KDM3B: variants seen among roughly 807,000 people sequenced by gnomAD.
KDM3B encodes the protein lysine demethylase 3B, also known as lysine-specific demethylase 3B.
A neutral mutation model predicts 170.0 loss-of-function variants in KDM3B; 10 were observed. The observed-to-expected ratio is 0.06, with a 90% CI of 0.04 to 0.10. The LOEUF (loss-of-function observed/expected upper bound fraction) is 0.10. KDM3B is among the 10% of genes least tolerant of loss of function. The pLI is 1.00. For missense variants in KDM3B, 1,394 were observed against 2,195.2 expected (o/e 0.64, Z 7.29); for synonymous variants, 831 against 834.8 (o/e 1.00, Z 0.08).
rs748464728 is a variant in KDM3B at position 138,386,387 on chromosome 5, C to G, written c.1146C>G (p.Phe382Leu). The G allele has an allele frequency of 1.2e-6, 2 of 1,614,220 alleles. No individual in the cohort carries two copies. The highest frequency in any genetic ancestry group is 2.2e-5 in the South Asian group (2 of 91,082). The change falls in exon 7 of 24, where the codon TTC becomes TTG. Residue 382 changes from phenylalanine (F) to leucine (L), a missense_variant. Around this residue, in one of 19 missense-constraint regions of KDM3B, gnomAD observed 205 missense variants for 227.6 expected, o/e 0.90. Coordinates refer to ENST00000314358, the MANE Select transcript of KDM3B (RefSeq NM_016604.4). ...TAGGTGGGGACACACCTGCATCTTT[C>G]ACTCCATATTCTACAGCCACAGGTC... ...EPVGGDTPAS[F>L]TPYSTATGQT...
chr5:138,419,337 C>T, intron 14 of KDM3B, 105 bp downstream of exon 14: 1 of 1,316,190 alleles, frequency 7.6e-7, no homozygotes, highest in East Asian at 2.5e-5. Flanking sequence ...AAACATGCTA[C>T]TTACTTTCTC....
chr5:138,407,172 G>A (rs1004254345), intron 11 of KDM3B, among the ~76,000 whole-genome samples: 1 of 151,950 alleles, frequency 6.6e-6, no homozygotes, highest in Non-Finnish European at 1.5e-5. Context: ...TTTTAGTAGA[G>A]ACGGGGTTTT....
chr5:138,403,747 C>T (rs1762747556), intron 11 of KDM3B, among the ~76,000 whole-genome samples: 1 of 149,704 alleles, frequency 6.7e-6, no homozygotes, highest in African/African-American at 2.5e-5. Flanking sequence ...AATCCCAGCA[C>T]TTTGGGAGGC....
chr5:138,355,636 A>T (rs1761430467), intron 1 of KDM3B, among the ~76,000 whole-genome samples: 2 of 152,060 alleles, frequency 1.3e-5, no homozygotes. Flanking sequence ...ATTTTTTTAG[A>T]ATTAGTTTAT....
Position 138,398,173 on chromosome 5 carries a change from C to T in KDM3B, c.2832-5C>T. The T allele has an allele frequency of 6.2e-7, 1 of 1,607,558 alleles. No homozygotes were observed. Among genetic ancestry groups the T allele is most frequent in the South Asian group, 1.1e-5 (1 of 90,436 alleles). ...CGATTTACCATGTATTTGATCATGT[C>T]TCAGGTTGATCTTCACTCGAAAAGG... On this transcript the variant is annotated splice_region_variant and splice_polypyrimidine_tract_variant and intron_variant, in intron 9 of 23. Transcript: ENST00000314358.
At chr5:138,384,033 G>A (rs12659550) in intron 6 of KDM3B, among the ~76,000 whole-genome samples, 38,627 of 150,994 alleles carry the variant, frequency 0.26, 5,573 homozygotes, top group East Asian at 0.56. Flanking sequence ...GAGGCGGCTG[G>A]ATCACGAGGT....
intron 12 of KDM3B, among the ~76,000 whole-genome samples, chr5:138,415,599 G>C (rs1448649717): frequency 6.6e-6 from 1 of 151,338 alleles, no homozygotes; most frequent in Non-Finnish European, 1.5e-5. Flanking sequence ...CACCACACCT[G>C]GCTTATTATT....
At chr5:138,417,333 C>T in intron 12 of KDM3B, 150 bp from the exon 13 acceptor site, 1 of 749,120 alleles carries the variant, frequency 1.3e-6, no homozygotes, top group Non-Finnish European at 2.1e-6. Context: ...CTCTCAGCCT[C>T]AGTTTGATCA....
intron 11 of KDM3B, among the ~76,000 whole-genome samples, chr5:138,401,825 C>G (rs938301113): frequency 6.6e-6 from 1 of 152,082 alleles, no homozygotes; most frequent in East Asian, 1.9e-4. Context: ...GTGGCTGTGA[C>G]GTAGTATCTG....
intron 6 of KDM3B, among the ~76,000 whole-genome samples, chr5:138,385,109 C>T (rs970586412): frequency 1.3e-5 from 2 of 151,874 alleles, no homozygotes; most frequent in African/African-American, 4.8e-5. Context: ...GCAACCTTCC[C>T]CTCCCGGGTT....
intron 11 of KDM3B, among the ~76,000 whole-genome samples, chr5:138,405,323 G>A (rs1762788984): frequency 6.6e-6 from 1 of 152,152 alleles, no homozygotes; most frequent in Non-Finnish European, 1.5e-5. Flanking sequence ...TTACAGGCAT[G>A]AGCCACCATG....
chr5:138,367,006 T>C (rs994889670), intron 1 of KDM3B, among the ~76,000 whole-genome samples: 19 of 152,240 alleles, frequency 1.2e-4, no homozygotes, highest in African/African-American at 4.6e-4. Flanking sequence ...TCTCTGCCTT[T>C]GTACCTGCTG....
chr5:138,423,090 C>G (rs996283502), intron 15 of KDM3B, among the ~76,000 whole-genome samples: 1 of 152,150 alleles, frequency 6.6e-6, no homozygotes, highest in African/African-American at 2.4e-5. Flanking sequence ...ACTACAGGCA[C>G]GTGCCACCAC....
intron 1 of KDM3B, among the ~76,000 whole-genome samples, chr5:138,365,753 C>G (rs974406924): frequency 6.6e-6 from 1 of 151,692 alleles, no homozygotes; most frequent in African/African-American, 2.4e-5. Context: ...AATCCCAGCA[C>G]TTTGGGAGGC....
intron 1 of KDM3B, among the ~76,000 whole-genome samples, chr5:138,355,771 A>T (rs987608651): frequency 4.6e-5 from 7 of 152,194 alleles, no homozygotes; most frequent in Non-Finnish European, 8.8e-5. Flanking sequence ...GGTATTGTAG[A>T]TAAAACAGAC....
At chr5:138,367,102 CTG>C (rs1157089242) in intron 1 of KDM3B, among the ~76,000 whole-genome samples, 3 of 152,182 alleles carry the variant, frequency 2.0e-5, no homozygotes, top group African/African-American at 7.2e-5. Flanking sequence ...TTCTGTGAAA[CTG>C]TTCTGGTTTC....
intron 14 of KDM3B, among the ~76,000 whole-genome samples, chr5:138,419,687 A>T (rs1763211604): frequency 7.3e-6 from 1 of 136,648 alleles, no homozygotes; most frequent in Non-Finnish European, 1.5e-5. Flanking sequence ...ATATATATAT[A>T]TACATATATA....
At chr5:138,380,953 C>T (rs961984812) in intron 5 of KDM3B, among the ~76,000 whole-genome samples, 1 of 151,824 alleles carries the variant, frequency 6.6e-6, no homozygotes, top group Non-Finnish European at 1.5e-5. Flanking sequence ...CGGCTCACTG[C>T]AACCTCCGCC....
chr5:138,389,782 CTGTGTGTGTGTG>C (rs148405512), intron 7 of KDM3B, among the ~76,000 whole-genome samples: 22 of 143,558 alleles, frequency 1.5e-4, no homozygotes, highest in South Asian at 7.1e-4. Flanking sequence ...CTCTCTCTCT[CTGTGTGTGTGTG>C]TGTGTGTGTG....
Sources: allele counts gnomAD v4.1 joint callset (sites outside exome capture counted in the v4.1 genomes callset), GRCh38; gene constraint gnomAD v4.1.1; regional missense constraint gnomAD v4.1.1; transcripts MANE v1.5; gene names NCBI Gene and HGNC (gene_info 2026-07-23, HGNC 2026-07-21).